The following EHD4 variants were observed in gnomAD, a reference collection of about 807,000 sequenced individuals.
The protein encoded by EHD4 is EH domain-containing protein 4.
EHD4 carries 37 observed loss-of-function variants against 51.0 expected under a neutral mutation model. That is an observed-to-expected ratio of 0.73 (90% CI 0.56 to 0.95). EHD4 has a LOEUF of 0.95. Among genes scored for constraint, EHD4 ranks in the 40% least tolerant of loss-of-function variants. EHD4 has a pLI of 0.00. For missense variants in EHD4, 632 were observed against 733.1 expected (o/e 0.86, Z 1.59); for synonymous variants, 297 against 317.3 (o/e 0.94, Z 0.68).
At chr15:41,901,287 C>T (rs2067476451) in intron 5 of EHD4, 106 bp from the exon 6 acceptor site, 3 of 1,264,606 alleles carry the variant, frequency 2.4e-6, no homozygotes, top group Non-Finnish European at 3.2e-6. Context: ...GACGTCCCAC[C>T]CACTACTCAG....
chr15:41,937,803 T>TA (rs1457092598), intron 3 of EHD4, among the ~76,000 whole-genome samples: 1 of 152,192 alleles, frequency 6.6e-6, no homozygotes, highest in Non-Finnish European at 1.5e-5. Context: ...GCACCCCTCT[T>TA]AGTCACAGCT....
At chr15:41,904,342 C>T (rs963129826) in intron 5 of EHD4, among the ~76,000 whole-genome samples, 7 of 152,064 alleles carry the variant, frequency 4.6e-5, no homozygotes, top group African/African-American at 1.7e-4. Context: ...AATAAACCCT[C>T]CATTCTCATC....
chr15:41,919,072 G>A (rs77731518), intron 4 of EHD4, 138 bp downstream of exon 4: 12 of 1,149,996 alleles, frequency 1.0e-5, no homozygotes, highest in Non-Finnish European at 9.8e-6. Flanking sequence ...ACCTGACCTC[G>A]AGGCTGTATT....
chr15:41,945,943 G>A (rs72726023), intron 2 of EHD4, among the ~76,000 whole-genome samples: 20,100 of 152,180 alleles, frequency 0.13, 1,726 homozygotes, highest in East Asian at 0.39. Context: ...TGACTCCTCT[G>A]CGCCCAGTCT....
chr15:41,959,189 G>A (rs1179824076), intron 1 of EHD4, among the ~76,000 whole-genome samples: 1 of 151,858 alleles, frequency 6.6e-6, no homozygotes, highest in Non-Finnish European at 1.5e-5. Context: ...TCAGGAGATC[G>A]AGACCATCCT....
chr15:41,972,205 A>C, intron 1 of EHD4, 54 bp downstream of exon 1: 1 of 1,354,436 alleles, frequency 7.4e-7, no homozygotes. Context: ...ACTGCGGCGC[A>C]CACGTGGGGA....
chr15:41,920,494 C>T (rs2067617657), intron 3 of EHD4, among the ~76,000 whole-genome samples: 1 of 152,232 alleles, frequency 6.6e-6, no homozygotes, highest in Admixed American at 6.5e-5. Flanking sequence ...GAGTCTCAAT[C>T]CAGCCCAGCT....
chr15:41,952,930 C>T (rs1481039967), intron 2 of EHD4, among the ~76,000 whole-genome samples: 1 of 132,832 alleles, frequency 7.5e-6, no homozygotes, highest in Non-Finnish European at 1.6e-5. Flanking sequence ...GCGGAGGTTG[C>T]AGTGAGCGGA....
At chr15:41,942,252 T>TTG (rs1191197006) in intron 3 of EHD4, 3 of 103,622 alleles carry the variant, frequency 2.9e-5, no homozygotes, top group African/African-American at 1.7e-4. Context: ...TTTTTGTTTT[T>TTG]TTTTTTTTTT....
chr15:41,943,421 C>T (rs1315488061), intron 2 of EHD4, among the ~76,000 whole-genome samples: 1 of 152,228 alleles, frequency 6.6e-6, no homozygotes, highest in Non-Finnish European at 1.5e-5. Flanking sequence ...CACCTGCTGC[C>T]ATCTGCCACC....
rs758939823 is a variant in EHD4 at position 41,901,003 on chromosome 15, C to T, written c.1268G>A (p.Gly423Asp). The change falls in exon 6 of 6, where the codon GGC becomes GAC. Residue 423 changes from glycine to aspartate, a missense_variant. Physicochemically the swap from Gly to Asp is moderately conservative, Grantham distance 94 (BLOSUM62 -1). Coordinates refer to ENST00000220325, the MANE Select transcript of EHD4 (RefSeq NM_139265.4). ...QGGAFDGTTE[G>D]PFNQGYGEGA... Reference sequence around the variant, plus strand: ...CTCCCCGTAGCCCTGGTTGAAGGGGCCCTCGGTGGTGCCATCGAAGGCGCC... The same window carrying T: ...CTCCCCGTAGCCCTGGTTGAAGGGGTCCTCGGTGGTGCCATCGAAGGCGCC... The T allele has an allele frequency of 1.2e-6, 2 of 1,608,324 alleles. No individual in the cohort carries two copies. Among genetic ancestry groups the T allele is most frequent in the African/African-American group, 1.3e-5 (1 of 74,958 alleles).
Position 41,910,758 on chromosome 15 carries a change from G to A in EHD4, c.925-895C>T, listed in dbSNP as rs141245426. 3.9e-3 allele frequency among the ~76,000 whole-genome samples: 598 copies of A among 152,072 alleles called. 3 individuals carry two copies. The highest frequency in any genetic ancestry group is 0.013 in the African/African-American group (559 of 41,492). On this transcript the variant is annotated intron_variant, in intron 4 of 5. Coordinates refer to ENST00000220325, the MANE Select transcript of EHD4 (RefSeq NM_139265.4). The stretch of plus-strand genomic sequence containing the variant: ...TAATTTTTGTATTTTTAGTAGAGAC[G>A]GGGTTTCACCATGTTGGCCAGGCTG...
At position 41,953,028 on chromosome 15, in the gene EHD4, C is replaced by T. The variant is rs543764170; in HGVS notation, c.413+736G>A. 6.3e-5 allele frequency among the ~76,000 whole-genome samples: 9 copies of T among 141,818 alleles called. No individual in the cohort carries two copies. In the South Asian group the frequency reaches 9.3e-4, roughly 15 times the overall value. The allele number at this position is 141,818 out of a possible 152,430, so 93.0% of individuals were successfully genotyped here. ...AAAAAAAAAAAAAAAAAAACGACCA[C>T]GTAAGAAAATCAGCTTTTCATGTTT... On this transcript the variant is annotated intron_variant, in intron 2 of 5. Coordinates refer to ENST00000220325, the MANE Select transcript of EHD4 (RefSeq NM_139265.4).
chr15:41,903,329 T>TAAAA (rs10622699), intron 5 of EHD4, among the ~76,000 whole-genome samples: 6,860 of 135,958 alleles, frequency 0.05, 345 homozygotes, highest in East Asian at 0.24. Flanking sequence ...TGCTTTCTTG[T>TAAAA]AAAAAAAAAA....
Position 41,949,374 on chromosome 15 carries a change from AAAT to A in EHD4, c.413+4387_413+4389del, listed in dbSNP as rs574206594. ...GACAGAGCAAGACTCCATCTCAAAA[AAAT>A]AATAATAATAAAATAAAATCAAAAC... On this transcript the variant is annotated intron_variant, in intron 2 of 5. Transcript: ENST00000220325. 5.3e-5 allele frequency among the ~76,000 whole-genome samples: 8 copies of A among 152,174 alleles called. No individual in the cohort carries two copies. In the South Asian group the frequency reaches 1.4e-3, roughly 28 times the overall value.
intron 3 of EHD4, among the ~76,000 whole-genome samples, chr15:41,938,066 T>G (rs2067744031): frequency 6.6e-6 from 1 of 152,242 alleles, no homozygotes; most frequent in African/African-American, 2.4e-5. Flanking sequence ...AAAATAATTT[T>G]GTGCATGAAA....
At chr15:41,931,138 G>A (rs2067695575) in intron 3 of EHD4, among the ~76,000 whole-genome samples, 1 of 152,138 alleles carries the variant, frequency 6.6e-6, no homozygotes, top group Non-Finnish European at 1.5e-5. Context: ...TTTTGGATTA[G>A]TCTCTATTTC....
At chr15:41,924,644 G>A (rs1481090150) in intron 3 of EHD4, among the ~76,000 whole-genome samples, 3 of 152,214 alleles carry the variant, frequency 2.0e-5, no homozygotes, top group Non-Finnish European at 4.4e-5. Flanking sequence ...CCTATGACGG[G>A]AGCCCGGCTG....
At position 41,909,795 on chromosome 15, in the gene EHD4, C is replaced by G; in HGVS notation, c.993G>C (p.Lys331Asn). 1.2e-6 allele frequency: 2 copies of G among 1,614,232 alleles called. No individual in the cohort carries two copies. The highest frequency in any genetic ancestry group is 4.5e-5 in the East Asian group (2 of 44,894). ...CCGGTAGCCTGCTGATAAGCTCTCT[C>G]TTCTTGTTTTCCTTTCCAAATACAC... ...MPSVFGKENK[K>N]RELISRLPEI... The change falls in exon 5 of 6, where the codon AAG becomes AAC. Residue 331 changes from lysine (K) to asparagine (N), a missense_variant. Physicochemically the swap from Lys to Asn is moderately conservative, Grantham distance 94. Transcript: ENST00000220325.
Sources: gnomAD v4.1 joint callset for allele counts (sites outside exome capture counted in the v4.1 genomes callset) on GRCh38, gnomAD v4.1.1 for gene constraint, MANE v1.5 for transcripts, NCBI Gene and HGNC (gene_info 2026-07-23, HGNC 2026-07-21) for gene names.